GALNT2: variants seen among roughly 807,000 people sequenced by gnomAD.
GALNT2 encodes polypeptide N-acetylgalactosaminyltransferase 2.
A neutral mutation model predicts 81.4 loss-of-function variants in GALNT2; 31 were observed. The ratio of observed to expected loss-of-function variants is 0.38; its 90% CI spans 0.29 to 0.51. The LOEUF (loss-of-function observed/expected upper bound fraction) is 0.51, where lower values mean the gene tolerates loss of function less well. Ranked by LOEUF, GALNT2 falls within the 20% of genes least tolerant of loss-of-function variation. GALNT2 has a pLI of 0.87. For synonymous variants in GALNT2, 303 were observed against 287.4 expected (o/e 1.05, Z -0.55); for missense variants, 629 against 765.7 (o/e 0.82, Z 2.11).
At chr1:230,190,784 A>G (rs1663498077) in intron 2 of GALNT2, among the ~76,000 whole-genome samples, 1 of 152,084 alleles carries the variant, frequency 6.6e-6, no homozygotes, top group Non-Finnish European at 1.5e-5. Flanking sequence ...CACATCCATA[A>G]ACATCTCCTA....
intron 2 of GALNT2, among the ~76,000 whole-genome samples, chr1:230,198,591 G>A (rs948012318): frequency 7.9e-5 from 12 of 152,174 alleles, no homozygotes; most frequent in African/African-American, 2.7e-4. Context: ...GTGGAGCAGG[G>A]CAGTCTGTGG....
At chr1:230,265,624 C>T (rs1276967929) in intron 14 of GALNT2, among the ~76,000 whole-genome samples, 1 of 152,222 alleles carries the variant, frequency 6.6e-6, no homozygotes, top group Admixed American at 6.5e-5. Context: ...GCACTGGTCA[C>T]AGTTGCTGGT....
At chr1:230,131,081 G>A (rs1162161626) in intron 1 of GALNT2, among the ~76,000 whole-genome samples, 1 of 151,586 alleles carries the variant, frequency 6.6e-6, no homozygotes, top group African/African-American at 2.4e-5. Flanking sequence ...TAATAAACAA[G>A]ATAGCTTAAA....
At chr1:230,260,429 CAG>C (rs1263630684) in intron 11 of GALNT2, among the ~76,000 whole-genome samples, 1 of 152,104 alleles carries the variant, frequency 6.6e-6, no homozygotes, top group Non-Finnish European at 1.5e-5. Context: ...ATTACAAAGA[CAG>C]AAAAGAGTTG....
chr1:230,145,786 A>G (rs1487643553), intron 1 of GALNT2, among the ~76,000 whole-genome samples: 3 of 152,206 alleles, frequency 2.0e-5, no homozygotes, highest in Non-Finnish European at 4.4e-5. Flanking sequence ...TTCCATCTGG[A>G]CTTGGAAATA....
chr1:230,153,453 A>C (rs1359667274), intron 1 of GALNT2, among the ~76,000 whole-genome samples: 1 of 152,190 alleles, frequency 6.6e-6, no homozygotes, highest in Non-Finnish European at 1.5e-5. Context: ...TTTTATTTTT[A>C]ATCACAGTAA....
At position 230,117,044 on chromosome 1, in the gene GALNT2, G is replaced by T. The variant is rs138110721; in HGVS notation, c.126+49638G>T. Among the ~76,000 whole-genome samples the T allele has an allele frequency of 3.3e-3, 498 of 152,314 alleles. 2 individuals carry two copies. The highest frequency in any genetic ancestry group is 4.6e-3 in the Non-Finnish European group (313 of 68,032). ...CTGTAGGGTAGCCACCTTCATCAGG[G>T]ATCTCAGTTAGATCTTCTGGGTAAC... is the stretch of plus-strand genomic sequence containing the variant. On this transcript the variant is annotated intron_variant, in intron 1 of 15. Coordinates refer to ENST00000366672, the MANE Select transcript of GALNT2 (RefSeq NM_004481.5).
At chr1:230,246,260 A>C in intron 8 of GALNT2, 110 bp downstream of exon 8, 1 of 870,118 alleles carries the variant, frequency 1.1e-6, no homozygotes, top group Non-Finnish European at 1.9e-6. Flanking sequence ...TTCACGCCGT[A>C]GTGTGTGTTC....
intron 1 of GALNT2, among the ~76,000 whole-genome samples, chr1:230,086,690 C>G (rs776895923): frequency 1.3e-5 from 2 of 152,278 alleles, no homozygotes; most frequent in South Asian, 2.1e-4. Context: ...TTTGCTGCAG[C>G]CTGAATCTCC....
At chr1:230,205,316 A>G (rs1664026958) in intron 3 of GALNT2, among the ~76,000 whole-genome samples, 1 of 152,154 alleles carries the variant, frequency 6.6e-6, no homozygotes, top group South Asian at 2.1e-4. Context: ...TCCAGCTCAT[A>G]TTTAAGAAAT....
chr1:230,199,381 A>G (rs1663812710), intron 2 of GALNT2, among the ~76,000 whole-genome samples: 1 of 152,188 alleles, frequency 6.6e-6, no homozygotes, highest in Admixed American at 6.5e-5. Flanking sequence ...GCAATTCTAT[A>G]TAGTACAGAA....
chr1:230,216,421 C>T (rs1399263948), intron 3 of GALNT2, among the ~76,000 whole-genome samples: 18 of 152,104 alleles, frequency 1.2e-4, no homozygotes, highest in Non-Finnish European at 1.2e-4. Flanking sequence ...GTCAAAACAC[C>T]GATCTGTTCA....
intron 1 of GALNT2, among the ~76,000 whole-genome samples, chr1:230,130,598 G>A (rs1332077494): frequency 6.6e-6 from 1 of 152,172 alleles, no homozygotes; most frequent in African/African-American, 2.4e-5. Context: ...CCTGGGGACC[G>A]ACCCCTGTGT....
At chr1:230,077,025 CG>C (rs1264178656) in intron 1 of GALNT2, among the ~76,000 whole-genome samples, 1 of 152,142 alleles carries the variant, frequency 6.6e-6, no homozygotes, top group African/African-American at 2.4e-5. Context: ...CTTGAGGAGC[CG>C]GTGCAAATTA....
At position 230,208,390 on chromosome 1, in the gene GALNT2, T is replaced by C. The variant is rs546244367; in HGVS notation, c.374+5100T>C. Among the ~76,000 whole-genome samples the C allele has an allele frequency of 2.0e-5, 3 of 152,228 alleles. No homozygotes were observed. The East Asian group carries it at 5.8e-4, about 29-fold the overall frequency. ...ACCTGCAGTCTCCTCAGCTGAGATA[T>C]AGGGAGGCTGTGAGTGGAGCAGGTG... On this transcript the variant is annotated intron_variant, in intron 3 of 15. Transcript: ENST00000366672.
chr1:230,149,346 A>G (rs1662023422), intron 1 of GALNT2, among the ~76,000 whole-genome samples: 2 of 152,140 alleles, frequency 1.3e-5, no homozygotes, highest in South Asian at 4.1e-4. Context: ...GTTCAGGAAC[A>G]TCCCTGGAGG....
rs972913466 is a variant in GALNT2, at chr1:230,275,265, C to A, written c.1560+701C>A. Among the ~76,000 whole-genome samples, 2 of 151,032 alleles carry A rather than the reference C, an allele frequency of 1.3e-5. No individual in the cohort carries two copies. Among genetic ancestry groups the A allele is most frequent in the African/African-American group, 4.9e-5 (2 of 41,006 alleles). ...CACCGCATATATACATATATACACA[C>A]CACATGTATACGTATATATAGATGC... On this transcript the variant is annotated intron_variant, in intron 15 of 15. Coordinates refer to ENST00000366672, the MANE Select transcript of GALNT2 (RefSeq NM_004481.5). The surrounding 1 kb of genome is among the most constrained non-coding windows in gnomAD (Gnocchi z 5.5).
intron 1 of GALNT2, among the ~76,000 whole-genome samples, chr1:230,091,354 G>T (rs2038395): frequency 6.6e-6 from 1 of 151,658 alleles, no homozygotes; most frequent in Non-Finnish European, 1.5e-5. Context: ...GATTACAGGT[G>T]TGAGCCATTG....
chr1:230,229,870 T>C (rs1302771284), intron 3 of GALNT2, among the ~76,000 whole-genome samples: 1 of 152,202 alleles, frequency 6.6e-6, no homozygotes, highest in Non-Finnish European at 1.5e-5. Flanking sequence ...ACATGGGTAG[T>C]TTATTTAAAA....
Sources: allele counts gnomAD v4.1 joint callset (sites outside exome capture counted in the v4.1 genomes callset), GRCh38; gene constraint gnomAD v4.1.1; non-coding constraint Gnocchi (gnomAD v3.1); transcripts MANE v1.5; gene names NCBI Gene and HGNC (gene_info 2026-07-23, HGNC 2026-07-21).